CPAMD8: variants seen among roughly 807,000 people sequenced by gnomAD.
CPAMD8 encodes C3 and PZP-like alpha-2-macroglobulin domain-containing protein 8.
A neutral mutation model predicts 224.7 loss-of-function variants in CPAMD8; 146 were observed. The ratio of observed to expected loss-of-function variants is 0.65; its 90% confidence interval spans 0.57 to 0.75. CPAMD8 has a LOEUF of 0.75. CPAMD8 is among the 30% of genes least tolerant of loss of function. CPAMD8 has a pLI of 0.00. For missense variants in CPAMD8, 2,301 were observed against 2,537.5 expected (o/e 0.91, Z 2.00); for synonymous variants, 966 against 1,044.6 (o/e 0.92, Z 1.45).
Position 16,903,580 on chromosome 19 carries a change from T to G in CPAMD8, c.4451A>C (p.Asp1484Ala). ...PTGLFVSAKG[D>A]GCCLMQIDVT... ...CCTCACCTGCATCAGGCAGCAGCCG[T>G]CCCCCTTGGCACTCACAAACAGCCC... Residue 1484 changes from aspartate to alanine, a missense_variant, in exon 34 of 42, where the codon GAC (aspartate) becomes GCC (alanine). Physicochemically the swap from Asp to Ala is moderately radical, Grantham distance 126. This residue lies in a region of CPAMD8 where 1,709 missense variants were observed against 1,753.2 expected (regional missense o/e 0.97). Transcript: ENST00000443236. The G allele has an allele frequency of 6.2e-7, 1 of 1,613,836 alleles. No individual in the cohort carries two copies. The highest frequency in any genetic ancestry group is 2.2e-5 in the East Asian group (1 of 44,848).
At chr19:16,960,683 C>G (rs2054623288) in intron 18 of CPAMD8, among the ~76,000 whole-genome samples, 1 of 151,978 alleles carries the variant, frequency 6.6e-6, no homozygotes, top group East Asian at 1.9e-4. Flanking sequence ...GGGTGGATCA[C>G]TGGAGGTCAG....
intron 34 of CPAMD8, 41 bp from the exon 35 acceptor site, chr19:16,902,904 C>T: frequency 7.4e-7 from 1 of 1,355,698 alleles, no homozygotes; most frequent in South Asian, 1.5e-5. Context: ...GACCTGGGCC[C>T]TCCATAACAG....
intron 13 of CPAMD8, among the ~76,000 whole-genome samples, chr19:16,984,813 C>T (rs1180667914): frequency 1.3e-5 from 2 of 152,162 alleles, no homozygotes; most frequent in Admixed American, 1.3e-4. Flanking sequence ...AGTTCAAGAC[C>T]AGCCTGGGCA....
chr19:16,992,988 C>T (rs1043332073), intron 12 of CPAMD8, among the ~76,000 whole-genome samples: 2 of 152,006 alleles, frequency 1.3e-5, no homozygotes, highest in African/African-American at 4.8e-5. Flanking sequence ...CCACTGAGCA[C>T]CCGTGAGGTG....
chr19:16,939,022 T>C (rs55667922), intron 22 of CPAMD8, among the ~76,000 whole-genome samples: 42,389 of 152,036 alleles, frequency 0.28, 6,104 homozygotes, highest in African/African-American at 0.33. Flanking sequence ...TAACCCCCTA[T>C]ACCTTGCGGA....
chr19:16,945,081 C>T (rs1421515754), intron 22 of CPAMD8, among the ~76,000 whole-genome samples: 3 of 152,152 alleles, frequency 2.0e-5, no homozygotes, highest in Non-Finnish European at 4.4e-5. Context: ...GGATGCTTCC[C>T]GAGATCATGG....
At chr19:16,987,179 A>AAAAAATATATATATAT in intron 13 of CPAMD8, among the ~76,000 whole-genome samples, 1 of 53,906 alleles carries the variant, frequency 1.9e-5, no homozygotes, top group Non-Finnish European at 2.9e-5. Context: ...AAAAAAAAAA[A>AAAAAATATATATATAT]ATATATATAT....
chr19:16,968,556 T>C (rs1323791419), intron 18 of CPAMD8, among the ~76,000 whole-genome samples: 2 of 152,206 alleles, frequency 1.3e-5, no homozygotes, highest in East Asian at 1.9e-4. Flanking sequence ...AAATACTTCA[T>C]AGCACAATGT....
In CPAMD8 at chr19:16,898,006, C is replaced by CG. The variant is rs775613610; in HGVS notation, c.4849-13dup. 2 of 1,598,828 alleles carry CG rather than the reference C, an allele frequency of 1.3e-6. No individual in the cohort carries two copies. The highest frequency in any genetic ancestry group is 3.4e-5 in the Admixed American group (2 of 58,242). On this transcript the variant is annotated splice_polypyrimidine_tract_variant and intron_variant, in intron 37 of 41. Transcript: ENST00000443236. The surrounding 1 kb of genome is among the most constrained non-coding windows in gnomAD (Gnocchi z 4.2). ...CACCGGCTGGGGATCTGTGGGGCAGCGGCGGGCGCAGGCTCGACCCGGGCC... is the reference window on the plus strand; with the variant it reads ...CACCGGCTGGGGATCTGTGGGGCAGCGGGCGGGCGCAGGCTCGACCCGGGCC...
chr19:16,902,082 C>A (rs2052281007), intron 35 of CPAMD8, among the ~76,000 whole-genome samples: 1 of 152,100 alleles, frequency 6.6e-6, no homozygotes, highest in South Asian at 2.1e-4. Flanking sequence ...GGGTCCCAGG[C>A]TCACTCTTGG....
Position 16,975,188 on chromosome 19 carries a change from C to CA in CPAMD8, c.1978dup (p.Trp660LeufsTer56). The CA allele has an allele frequency of 6.2e-7, 1 of 1,611,696 alleles. No individual in the cohort carries two copies. On this transcript the variant is annotated frameshift_variant, in exon 17 of 42. Coordinates refer to ENST00000443236, the MANE Select transcript of CPAMD8 (RefSeq NM_015692.5). LOFTEE classifies it high-confidence loss of function. ...TCGTTGTGCCGTCAGCCCAGCCCAC[C>CA]AAAAAGGACCATCCTCCCTGGACAC...
chr19:16,946,005 ATGTG>A (rs1245897514), intron 21 of CPAMD8, among the ~76,000 whole-genome samples: 11 of 151,996 alleles, frequency 7.2e-5, no homozygotes, highest in African/African-American at 1.4e-4. Context: ...GTGCATATGC[ATGTG>A]TGTATCTGTA....
At chr19:16,981,451 A>G (rs185442227) in intron 13 of CPAMD8, among the ~76,000 whole-genome samples, 25 of 152,332 alleles carry the variant, frequency 1.6e-4, no homozygotes, top group Admixed American at 1.4e-3. Flanking sequence ...TATGAACTCA[A>G]TGAGTTGGGT....
chr19:16,906,396 T>C (rs572810702), intron 30 of CPAMD8, among the ~76,000 whole-genome samples: 18 of 103,082 alleles, frequency 1.7e-4, no homozygotes, highest in African/African-American at 6.2e-4. Context: ...CTTTCTTTCT[T>C]TCTTTCTTTC....
chr19:17,016,006 C>G (rs142916493), intron 3 of CPAMD8, among the ~76,000 whole-genome samples: 1 of 152,150 alleles, frequency 6.6e-6, no homozygotes, highest in Non-Finnish European at 1.5e-5. Flanking sequence ...TGCTGTGGTG[C>G]GATCACGTCT....
Position 16,947,066 on chromosome 19 carries a change from G to C in CPAMD8, c.2662+8C>G, listed in dbSNP as rs1224579139. The stretch of plus-strand genomic sequence containing the variant: ...GGGGGGACACCCCAAGAACTGTGGG[G>C]TCCTCACCCGTGATGTTGTTGAGTC... On this transcript the variant is annotated splice_region_variant and intron_variant, in intron 21 of 41. Coordinates refer to ENST00000443236, the MANE Select transcript of CPAMD8 (RefSeq NM_015692.5). 1 of 1,597,004 alleles carries C rather than the reference G, an allele frequency of 6.3e-7. No individual in the cohort carries two copies. Among genetic ancestry groups the C allele is most frequent in the Admixed American group, 1.7e-5 (1 of 58,718 alleles).
intron 11 of CPAMD8, among the ~76,000 whole-genome samples, chr19:16,995,664 G>A (rs532988314): frequency 1.3e-5 from 2 of 152,214 alleles, no homozygotes; most frequent in South Asian, 4.2e-4. Context: ...GCCTCCCAAA[G>A]TGCTGGGATT....
chr19:17,009,405 C>T (rs951159127), intron 5 of CPAMD8, 85 bp from the exon 6 acceptor site: 10 of 1,606,544 alleles, frequency 6.2e-6, no homozygotes, highest in Admixed American at 5.0e-5. Flanking sequence ...CCTCGGTCCC[C>T]GGGACAGGCA....
chr19:16,914,256 GA>G (rs201171676), intron 29 of CPAMD8, among the ~76,000 whole-genome samples, 167 bp downstream of exon 29: 3,030 of 152,124 alleles, frequency 0.02, 84 homozygotes, highest in African/African-American at 0.069. Flanking sequence ...CAGATTACAA[GA>G]AACTGGATGT....
Sources: allele counts gnomAD v4.1 joint callset (sites outside exome capture counted in the v4.1 genomes callset), GRCh38; gene constraint gnomAD v4.1.1; regional missense constraint gnomAD v4.1.1; non-coding constraint Gnocchi (gnomAD v3.1); transcripts MANE v1.5; gene names NCBI Gene and HGNC (gene_info 2026-07-23, HGNC 2026-07-21).